Variants in FBXO2 observed in about 807,000 individuals in gnomAD.
FBXO2 encodes the protein F-box only protein 2.
A neutral mutation model predicts 38.6 loss-of-function variants in FBXO2; 32 were observed. The observed-to-expected ratio is 0.83, with a 90% CI of 0.62 to 1.11. The LOEUF is 1.11. Ranked by LOEUF, FBXO2 falls within the 50% of genes most tolerant of loss-of-function variation. The pLI is 0.00. For synonymous variants in FBXO2, 189 were observed against 182.9 expected, an observed-to-expected ratio of 1.03 and a Z score of -0.27; for missense variants, 450 against 418.3, an observed-to-expected ratio of 1.08 and a Z score of -0.66.
chr1:11,653,301 C>T (rs1639570982), intron 1 of FBXO2: 1 of 152,266 alleles, frequency 6.6e-6, no homozygotes. Context: ...CCCCCACCCT[C>T]TCTCTTACAC....
intron 5 of FBXO2, 42 bp downstream of exon 5, chr1:11,649,045 T>C (rs1639467977): frequency 2.7e-6 from 4 of 1,502,196 alleles, no homozygotes; most frequent in South Asian, 2.4e-5. Flanking sequence ...ACGCCCCTCA[T>C]GTCCGTGCCC....
At chr1:11,654,253 T>C in intron 1 of FBXO2, 66 bp downstream of exon 1, 1 of 1,475,246 alleles carries the variant, frequency 6.8e-7, no homozygotes, top group South Asian at 1.3e-5. Flanking sequence ...CGCCCCTCTG[T>C]GCAGCGCTCG....
intron 1 of FBXO2, 23 bp from the exon 2 acceptor site, chr1:11,650,857 G>C (rs1386786182): frequency 1.3e-6 from 2 of 1,557,954 alleles, no homozygotes; most frequent in South Asian, 2.3e-5. Flanking sequence ...ATGGGTGGGA[G>C]GCTGTGATTC....
Position 11,650,771 on chromosome 1 carries a change from T to G in FBXO2, c.86A>C (p.Glu29Ala). The G allele has an allele frequency of 2.0e-6, 3 of 1,533,892 alleles. No homozygotes were observed. Among genetic ancestry groups the G allele is most frequent in the Non-Finnish European group, 2.6e-6 (3 of 1,145,788 alleles). ...EEQPEEASAE[E>A]ERPEDQQEEE... ...CTCCTGCTGGTCCTCCGGCCGCTCC[T>G]CCTCAGCACTCGCCTCCTCTGGCTG... Residue 29 changes from glutamate (E) to alanine (A), a missense_variant, in exon 2 of 6, where the codon GAG becomes GCG. Physicochemically the swap from Glu to Ala is moderately radical, Grantham distance 107. Coordinates refer to ENST00000354287, the MANE Select transcript of FBXO2 (RefSeq NM_012168.6).
rs1639488603 is a variant in FBXO2, at chr1:11,650,099, C to G, written c.392-25G>C. ...TCTGTAGGGACACGACAGCCCCACCCTGGTCACTCAGTCCCTGCTAAGGCT... is the reference window on the plus strand; with the variant it reads ...TCTGTAGGGACACGACAGCCCCACCGTGGTCACTCAGTCCCTGCTAAGGCT... On this transcript the variant is annotated intron_variant, in intron 2 of 5. Coordinates refer to ENST00000354287, the MANE Select transcript of FBXO2 (RefSeq NM_012168.6). The G allele has an allele frequency of 1.9e-6, 3 of 1,613,024 alleles. No homozygotes were observed. The Admixed American group carries it at 5.0e-5, about 27-fold the overall frequency.
chr1:11,650,380 C>T (rs974868622), intron 2 of FBXO2, 86 bp downstream of exon 2: 4 of 1,516,690 alleles, frequency 2.6e-6, no homozygotes, highest in Non-Finnish European at 3.5e-6. Context: ...GGCGCTTAAT[C>T]CCATTTCTCC....
chr1:11,652,754 G>A (rs1298386883), intron 1 of FBXO2, among the ~76,000 whole-genome samples: 2 of 152,184 alleles, frequency 1.3e-5, no homozygotes, highest in Non-Finnish European at 2.9e-5. Flanking sequence ...CCAGGCACTG[G>A]GGAAGGGGAC....
Position 11,649,763 on chromosome 1 carries a change from C to A in FBXO2, c.617+16G>T, listed in dbSNP as rs1409551158. The A allele has an allele frequency of 3.7e-6, 6 of 1,613,380 alleles. No homozygotes were observed. Among genetic ancestry groups the A allele is most frequent in the Non-Finnish European group, 4.2e-6 (5 of 1,179,680 alleles). On this transcript the variant is annotated intron_variant, in intron 4 of 5. Transcript: ENST00000354287. ...CCCGCTCCTCCCAGCCCCATGCCAC[C>A]CCAGGACCCTCTCACCAGTCCTTCA...
Position 11,649,838 on chromosome 1 carries a change from A to C in FBXO2, c.558T>G (p.Ala186=), listed in dbSNP as rs149209829. Residue 186 remains alanine (A), a synonymous_variant, in exon 4 of 6, where the codon GCT becomes GCG. Transcript: ENST00000354287. ...CCAGCAGCTCCTCCCAGTAGCCCTC[A>C]GCCTGCAGGTCAATGACCTGTGCTT... ...CRKAQVIDLQ[A]EGYWEELLDT... 5.0e-6 allele frequency: 8 copies of C among 1,613,886 alleles called. No individual in the cohort carries two copies. The highest frequency in any genetic ancestry group is 6.8e-6 in the Non-Finnish European group (8 of 1,180,020).
chr1:11,648,990 G>GCCCAC lies in FBXO2; in HGVS notation c.756+92_756+96dup. 2 of 1,405,688 alleles carry GCCCAC rather than the reference G, an allele frequency of 1.4e-6. No individual in the cohort carries two copies. Among genetic ancestry groups the GCCCAC allele is most frequent in the Non-Finnish European group, 1.9e-6 (2 of 1,030,804 alleles). The allele number at this position is 1,405,688 out of a possible 1,614,324, so 87.1% of individuals were successfully genotyped here. A position where few individuals can be genotyped will look rare whatever the true frequency, so the allele number is the denominator to read the frequency against. On this transcript the variant is annotated intron_variant, in intron 5 of 5. Transcript: ENST00000354287. This position sits in a 1 kb window ranked among gnomAD's most constrained non-coding sequence, Gnocchi z 4.2. ...GACTATCTCAGCCCAGCCCAGCCCAGCCCACCCCAGCCCAGGAGCGCTGTG... is the reference window on the plus strand; with the variant it reads ...GACTATCTCAGCCCAGCCCAGCCCAGCCCACCCCACCCCAGCCCAGGAGCGCTGTG...
At position 11,648,972 on chromosome 1, in the gene FBXO2, T is replaced by TCAGCCCAGCCCAGCC. The variant is rs577091768; in HGVS notation, c.756+100_756+114dup. On this transcript the variant is annotated intron_variant, in intron 5 of 5. Coordinates refer to ENST00000354287, the MANE Select transcript of FBXO2 (RefSeq NM_012168.6). This position sits in a 1 kb window ranked among gnomAD's most constrained non-coding sequence, Gnocchi z 4.2. Reference sequence around the variant, plus strand: ...CTCTCTCCACCACCCGGTGACTATCTCAGCCCAGCCCAGCCCAGCCCACCC... The same window carrying TCAGCCCAGCCCAGCC: ...CTCTCTCCACCACCCGGTGACTATCTCAGCCCAGCCCAGCCCAGCCCAGCCCAGCCCAGCCCACCC... 1.8e-5 allele frequency: 13 copies of TCAGCCCAGCCCAGCC among 713,218 alleles called. No individual in the cohort carries two copies. Among genetic ancestry groups the TCAGCCCAGCCCAGCC allele is most frequent in the East Asian group, 5.7e-5 (2 of 34,840 alleles). The allele number at this position is 713,218 out of a possible 1,614,324, so 44.2% of individuals were successfully genotyped here.
rs560092157 is a variant in FBXO2, at chr1:11,650,712, C to A, written c.145G>T (p.Glu49Ter). The change falls in exon 2 of 6, where the codon GAG becomes TAG. Residue 49 changes from glutamate to a stop codon, truncating the protein, a stop_gained. Transcript: ENST00000354287. LOFTEE classifies it high-confidence loss of function. ...EAAAAAAYLD[E>*]LPEPLLLRVL... ...CGCAGCAGCAGCGGCTCGGGCAGCT[C>A]GTCCAGGTACGCGGCGGCGGCCGCC... The A allele has an allele frequency of 6.5e-6, 10 of 1,527,690 alleles. No individual in the cohort carries two copies. Among genetic ancestry groups the A allele is most frequent in the East Asian group, 5.0e-5 (2 of 40,114 alleles). 94.6% of individuals were successfully genotyped at this position (1,527,690 alleles called of 1,614,324 possible). A position where few individuals can be genotyped will look rare whatever the true frequency, so the allele number is the denominator to read the frequency against.
Position 11,649,969 on chromosome 1 carries a change from T to C in FBXO2, c.497A>G (p.Lys166Arg), listed in dbSNP as rs757525914. Residue 166 changes from lysine to arginine, a missense_variant, in exon 3 of 6, where the codon AAG becomes AGG. Transcript: ENST00000354287. The part of the protein sequence containing the change: ...GVEFTHDESV[K>R]KYFASSFEWC... ...CTCAAAGGAGGAGGCGAAGTACTTC[T>C]TGACGCTCTCATCGTGGGTGAACTC... 2 of 1,614,002 alleles carry C rather than the reference T, an allele frequency of 1.2e-6. No individual in the cohort carries two copies.
Position 11,650,651 on chromosome 1 carries a change from T to C in FBXO2, c.206A>G (p.Gln69Arg). ...GCGCAGGCACACCAGGCGGCAGGCC[T>C]GCACCAGCTCGGCGGCCGGCAGTGC... ...LAALPAAELV[Q>R]ACRLVCLRWK... is the part of the protein sequence containing the mutation. Residue 69 changes from glutamine to arginine, a missense_variant, in exon 2 of 6, where the codon CAG (glutamine) becomes CGG (arginine). By Grantham distance (43) the Gln-to-Arg change is conservative. Transcript: ENST00000354287. 6.4e-7 allele frequency: 1 copy of C among 1,564,132 alleles called. No individual in the cohort carries two copies. Among genetic ancestry groups the C allele is most frequent in the Non-Finnish European group, 8.6e-7 (1 of 1,160,476 alleles).
chr1:11,652,629 G>C (rs192140807), intron 1 of FBXO2, among the ~76,000 whole-genome samples: 1 of 152,366 alleles, frequency 6.6e-6, no homozygotes, highest in East Asian at 1.9e-4. Context: ...GGGAGAGCCA[G>C]TGAGGAGGAG....
chr1:11,649,996 A>G lies in FBXO2; in HGVS notation c.470T>C (p.Val157Ala). 6.2e-7 allele frequency: 1 copy of G among 1,613,352 alleles called. No homozygotes were observed. The highest frequency in any genetic ancestry group is 8.5e-7 in the Non-Finnish European group (1 of 1,179,838). Residue 157 changes from valine to alanine, a missense_variant, in exon 3 of 6, where the codon GTG becomes GCG. Physicochemically the swap from Val to Ala is moderately conservative, Grantham distance 64. Transcript: ENST00000354287. ...GACGCTCTCATCGTGGGTGAACTCC[A>G]CCCCACTGTCTCCAGGCAGCTCCTC... ...RVEELPGDSG[V>A]EFTHDESVKK...
intron 1 of FBXO2, 148 bp downstream of exon 1, chr1:11,654,171 G>T: frequency 2.4e-6 from 2 of 836,388 alleles, no homozygotes; most frequent in Non-Finnish European, 3.5e-6. Context: ...CGTGCTCTTT[G>T]GAGACCGCCT....
rs1416825015 is a variant in FBXO2, at chr1:11,648,986, C to CCCAGA, written c.756+100_756+101insTCTGG. 274 of 1,409,596 alleles carry CCCAGA rather than the reference C, an allele frequency of 1.9e-4. 5 individuals carry two copies. The highest frequency in any genetic ancestry group is 2.5e-4 in the Non-Finnish European group (257 of 1,035,896). The allele number at this position is 1,409,596 out of a possible 1,614,324, so 87.3% of individuals were successfully genotyped here. A position where few individuals can be genotyped will look rare whatever the true frequency, so the allele number is the denominator to read the frequency against. ...CGGTGACTATCTCAGCCCAGCCCAGCCCAGCCCACCCCAGCCCAGGAGCGC... is the reference window on the plus strand; with the variant it reads ...CGGTGACTATCTCAGCCCAGCCCAGCCCAGACCAGCCCACCCCAGCCCAGGAGCGC... On this transcript the variant is annotated intron_variant, in intron 5 of 5. Transcript: ENST00000354287. The surrounding 1 kb of genome is among the most constrained non-coding windows in gnomAD (Gnocchi z 4.2).
At chr1:11,652,332 AAGG>A (rs1247136363) in intron 1 of FBXO2, among the ~76,000 whole-genome samples, 1 of 152,154 alleles carries the variant, frequency 6.6e-6, no homozygotes, top group Non-Finnish European at 1.5e-5. Flanking sequence ...TCTATCAAGC[AAGG>A]AGATGACATA....
Sources: allele counts gnomAD v4.1 joint callset (sites outside exome capture counted in the v4.1 genomes callset), GRCh38; gene constraint gnomAD v4.1.1; non-coding constraint Gnocchi (gnomAD v3.1); transcripts MANE v1.5; gene names NCBI Gene and HGNC (gene_info 2026-07-23, HGNC 2026-07-21).